The following MDN1 variants were observed in gnomAD, a reference collection of about 807,000 sequenced individuals.
MDN1 encodes midasin.
Under a neutral mutation model 669.2 loss-of-function variants are expected in MDN1, and 266 were observed. The observed-to-expected ratio is 0.40, with a 90% CI of 0.36 to 0.44. MDN1 has a LOEUF of 0.44. Ranked by LOEUF, MDN1 falls within the 20% of genes least tolerant of loss-of-function variation. The pLI, the probability that MDN1 is intolerant of heterozygous loss-of-function variation, is 1.00. For missense variants in MDN1, 5,940 were observed against 6,754.0 expected, an observed-to-expected ratio of 0.88 and a Z score of 4.22; for synonymous variants, 2,385 against 2,457.1, an observed-to-expected ratio of 0.97 and a Z score of 0.87.
intron 1 of MDN1, among the ~76,000 whole-genome samples, chr6:89,818,512 A>C (rs1234498655): frequency 6.6e-6 from 1 of 151,340 alleles, no homozygotes; most frequent in Non-Finnish European, 1.5e-5. Flanking sequence ...CCTGGGACCC[A>C]AGTACCTGGG....
intron 5 of MDN1, 22 bp downstream of exon 5, chr6:89,793,740 C>A (rs773161629): frequency 6.9e-6 from 11 of 1,600,608 alleles, no homozygotes; most frequent in Admixed American, 1.7e-5. Flanking sequence ...AGGGGACACA[C>A]CCCCTACTGA....
chr6:89,778,975 G>C (rs894107648), intron 11 of MDN1, among the ~76,000 whole-genome samples: 1 of 146,950 alleles, frequency 6.8e-6, no homozygotes, highest in African/African-American at 2.5e-5. Context: ...ACTAAAATAA[G>C]CCAAAGAAAA....
In MDN1 at chr6:89,673,266, T is replaced by A; in HGVS notation, c.13444A>T (p.Thr4482Ser). 1 of 1,614,148 alleles carries A rather than the reference T, an allele frequency of 6.2e-7. No individual in the cohort carries two copies. Among genetic ancestry groups the A allele is most frequent in the Non-Finnish European group, 8.5e-7 (1 of 1,179,988 alleles). Reference protein sequence around the residue: ...KAMADFTTWKTHLLTSDSQGG... With the variant: ...KAMADFTTWKSHLLTSDSQGG... ...TGGCTATCTGAAGTAAGCAGATGGG[T>A]CTTCCAGGTAGTAAAGTCAGCCATG... Residue 4482 changes from threonine (T) to serine (S), a missense_variant, in exon 80 of 102, where the codon ACC (threonine) becomes TCC (serine). Physicochemically the swap from Thr to Ser is moderately conservative, Grantham distance 58 (BLOSUM62 1). This residue lies in a region of MDN1 where 2,280 missense variants were observed against 2,576.3 expected (regional missense o/e 0.88). Transcript: ENST00000369393.
At position 89,719,010 on chromosome 6, in the gene MDN1, G is replaced by A; in HGVS notation, c.6078C>T (p.Ser2026=). 1 of 1,614,134 alleles carries A rather than the reference G, an allele frequency of 6.2e-7. No individual in the cohort carries two copies. Among genetic ancestry groups the A allele is most frequent in the East Asian group, 2.2e-5 (1 of 44,880 alleles). ...YDVQLGYSVL[S]RGSCVPHPSR... ...ACGGGTGAGGAACACAGCTCCCACG[G>A]GAAAGGACTGAGTAGCCCAACTGAA... Residue 2026 remains serine (S), a synonymous_variant, in exon 42 of 102, where the codon TCC becomes TCT. Transcript: ENST00000369393.
chr6:89,699,829 T>C, intron 57 of MDN1, 102 bp from the exon 58 acceptor site: 1 of 1,316,314 alleles, frequency 7.6e-7, no homozygotes, highest in South Asian at 1.4e-5. Context: ...TTACAGTACA[T>C]TTATCTAAAA....
chr6:89,734,789 C>G (rs1412084492), intron 33 of MDN1, among the ~76,000 whole-genome samples: 1 of 150,900 alleles, frequency 6.6e-6, no homozygotes, highest in African/African-American at 2.4e-5. Context: ...ATGATACCAT[C>G]TTTCTGGAGA....
intron 53 of MDN1, among the ~76,000 whole-genome samples, chr6:89,704,815 C>T (rs1813411954): frequency 6.6e-6 from 1 of 152,298 alleles, no homozygotes; most frequent in African/African-American, 2.4e-5. Context: ...CTCCTGACCT[C>T]GTGATCCGCC....
At position 89,729,087 on chromosome 6, in the gene MDN1, G is replaced by A; in HGVS notation, c.5193C>T (p.Thr1731=). The A allele has an allele frequency of 6.2e-7, 1 of 1,613,940 alleles. No homozygotes were observed. The highest frequency in any genetic ancestry group is 8.5e-7 in the Non-Finnish European group (1 of 1,180,006). Residue 1731 remains threonine, a synonymous_variant, in exon 36 of 102, where the codon ACC becomes ACT. Transcript: ENST00000369393. ...NIADYALSAG[T]TAMNAQRLLR... ...AGAGCCTCTGTGCATTCATAGCAGT[G>A]GTCCCTGCACTGAGTGCATAGTCTG...
intron 19 of MDN1, among the ~76,000 whole-genome samples, chr6:89,757,380 C>T (rs182257627): frequency 6.6e-6 from 1 of 152,162 alleles, no homozygotes; most frequent in African/African-American, 2.4e-5. Context: ...CCTGTTATAT[C>T]GTGTTATGAA....
At chr6:89,656,026 G>A in intron 91 of MDN1, 58 bp from the exon 92 acceptor site, 8 of 1,485,362 alleles carry the variant, frequency 5.4e-6, no homozygotes, top group Non-Finnish European at 7.4e-6. Context: ...AGGACTCAAA[G>A]TAAACATAAT....
chr6:89,670,216 C>A, intron 83 of MDN1, among the ~76,000 whole-genome samples: 1 of 112,768 alleles, frequency 8.9e-6, no homozygotes, highest in Non-Finnish European at 1.7e-5. Flanking sequence ...TCTTGTTGCC[C>A]AGGCTGGAGT....
At chr6:89,734,670 GAAAAAA>G (rs778207435) in intron 33 of MDN1, among the ~76,000 whole-genome samples, 1 of 28,676 alleles carries the variant, frequency 3.5e-5, no homozygotes, top group Non-Finnish European at 5.4e-5. Flanking sequence ...AAAGGAAGAA[GAAAAAA>G]AAAAAAAAAA....
chr6:89,718,808 T>A lies in MDN1; in HGVS notation c.6280A>T (p.Ser2094Cys). 1.2e-6 allele frequency: 2 copies of A among 1,614,244 alleles called. No homozygotes were observed. Among genetic ancestry groups the A allele is most frequent in the East Asian group, 4.5e-5 (2 of 44,884 alleles). ...GHTLKIMAMN[S>C]AMDTTELLGG... Reference sequence around the variant, plus strand: ...AGCAGCTCAGTAGTATCCATTGCACTGTTCATAGCCATGATCTTTAATGTG... The same window carrying A: ...AGCAGCTCAGTAGTATCCATTGCACAGTTCATAGCCATGATCTTTAATGTG... The change falls in exon 42 of 102, where the codon AGT becomes TGT. Residue 2094 changes from serine to cysteine, a missense_variant. By Grantham distance (112) the Ser-to-Cys change is moderately radical. Transcript: ENST00000369393.
Position 89,695,569 on chromosome 6 carries a change from G to A in MDN1, c.9771+36C>T, listed in dbSNP as rs1196732592. 10 of 1,548,450 alleles carry A rather than the reference G, an allele frequency of 6.5e-6. No homozygotes were observed. The highest frequency in any genetic ancestry group is 1.9e-5 in the Admixed American group (1 of 53,022). On this transcript the variant is annotated intron_variant, in intron 61 of 101. Transcript: ENST00000369393. This position sits in a 1 kb window ranked among gnomAD's most constrained non-coding sequence, Gnocchi z 4.1. Reference sequence around the variant, plus strand: ...CAATAAGCAAACCCAGCACGTCAGGGAAGGAGCCCATGCTCCATACTCTTG... The same window carrying A: ...CAATAAGCAAACCCAGCACGTCAGGAAAGGAGCCCATGCTCCATACTCTTG...
At chr6:89,710,010 C>T (rs1329097876) in intron 50 of MDN1, among the ~76,000 whole-genome samples, 1 of 152,176 alleles carries the variant, frequency 6.6e-6, no homozygotes, top group Non-Finnish European at 1.5e-5. Flanking sequence ...ACACAATCCT[C>T]CTCTCTCAAC....
At chr6:89,764,422 TG>T (rs553879196) in intron 15 of MDN1, among the ~76,000 whole-genome samples, 30 of 152,262 alleles carry the variant, frequency 2.0e-4, no homozygotes, top group Middle Eastern at 3.4e-3. Flanking sequence ...GTGGGCAACA[TG>T]GTGAAACCCT....
chr6:89,810,554 TA>T (rs1450954267), intron 1 of MDN1, among the ~76,000 whole-genome samples: 3 of 152,208 alleles, frequency 2.0e-5, no homozygotes, highest in African/African-American at 4.8e-5. Context: ...TTGAAACCTA[TA>T]GGGGAGAATC....
intron 30 of MDN1, 63 bp from the exon 31 acceptor site, chr6:89,743,343 G>A: frequency 1.3e-6 from 2 of 1,592,292 alleles, no homozygotes; most frequent in South Asian, 2.2e-5. Context: ...TATACATGCA[G>A]CTGGCTGGTG....
At chr6:89,694,855 T>TTG (rs1812625620) in intron 61 of MDN1, among the ~76,000 whole-genome samples, 1 of 152,158 alleles carries the variant, frequency 6.6e-6, no homozygotes, top group Admixed American at 6.5e-5. Context: ...ACCCAGCCTC[T>TTG]ACTTGATTCT....
Sources: gnomAD v4.1 joint callset for allele counts (sites outside exome capture counted in the v4.1 genomes callset) on GRCh38, gnomAD v4.1.1 for gene constraint, gnomAD v4.1.1 regional missense constraint, Gnocchi (gnomAD v3.1) non-coding constraint, MANE v1.5 for transcripts, NCBI Gene and HGNC (gene_info 2026-07-23, HGNC 2026-07-21) for gene names.